The following MSH5 variants were observed in gnomAD, a reference collection of about 807,000 sequenced individuals.
MSH5 encodes mutS protein homolog 5.
Under a neutral mutation model 107.7 loss-of-function variants are expected in MSH5, and 78 were observed. That is an observed-to-expected ratio of 0.72 (90% CI 0.60 to 0.87). MSH5 has a LOEUF of 0.87. MSH5 is among the 40% of genes least tolerant of loss of function. The pLI is 0.00. For missense variants in MSH5, 889 were observed against 1,046.6 expected, an observed-to-expected ratio of 0.85 and a Z score of 2.08; for synonymous variants, 326 against 399.5, an observed-to-expected ratio of 0.82 and a Z score of 2.19.
At position 31,758,793 on chromosome 6, in the gene MSH5, G is replaced by A. The variant is rs2151375909; in HGVS notation, c.1244G>A (p.Ser415Asn). ...AAGCGAAGACTGATGGGACTTCCCA[G>A]TTTCCTTACTGAGGTTGCCCGCAAG... is the stretch of plus-strand genomic sequence containing the variant. Reference protein sequence around the residue: ...EKKRRLMGLPSFLTEVARKEL... With the variant: ...EKKRRLMGLPNFLTEVARKEL... The change falls in exon 15 of 25, where the codon AGT becomes AAT. Residue 415 changes from serine to asparagine, a missense_variant. Physicochemically the swap from Ser to Asn is conservative, Grantham distance 46 (BLOSUM62 1). Transcript: ENST00000375750. The surrounding 1 kb of genome is among the most constrained non-coding windows in gnomAD (Gnocchi z 5.1). 1 of 1,614,194 alleles carries A rather than the reference G, an allele frequency of 6.2e-7. No individual in the cohort carries two copies. The highest frequency in any genetic ancestry group is 1.7e-4 in the Middle Eastern group (1 of 6,060).
Position 31,753,639 on chromosome 6 carries a change from T to G in MSH5, c.1014+10T>G, listed in dbSNP as rs1181227177. ...GCAGGTTCTCTACAAGGTAAGGCCT[T>G]CCTTCTTGAATCCCAAAAGTCCAGG... is the stretch of plus-strand genomic sequence containing the variant. On this transcript the variant is annotated intron_variant, in intron 12 of 24. Transcript: ENST00000375750. The G allele has an allele frequency of 6.2e-6, 10 of 1,613,970 alleles. No homozygotes were observed. In the South Asian group the frequency reaches 8.8e-5, roughly 14 times the overall value.
In MSH5 at chr6:31,758,733, C is replaced by T. The variant is rs1217069561; in HGVS notation, c.1217-33C>T. The T allele has an allele frequency of 5.0e-6, 8 of 1,611,482 alleles. No individual in the cohort carries two copies. Among genetic ancestry groups the T allele is most frequent in the Non-Finnish European group, 6.8e-6 (8 of 1,177,708 alleles). On this transcript the variant is annotated intron_variant, in intron 14 of 24. Transcript: ENST00000375750. The surrounding 1 kb of genome is among the most constrained non-coding windows in gnomAD (Gnocchi z 5.1). ...CATAGCAACCAGGGCAGGAGACTCA[C>T]TTTTGATAACCACGTGTCTTCCACC...
In MSH5 at chr6:31,745,317, T is replaced by G. The variant is rs758709925; in HGVS notation, c.764T>G (p.Phe255Cys). ...ASGLKEGLSLFGILNRCHCKW... is the reference protein window; with the variant it reads ...ASGLKEGLSLCGILNRCHCKW... ...GGACTGAAGGAGGGGCTCAGCCTCTTTGGTAGGTGTGCCCCATCCCTCATC... is the reference window on the plus strand; with the variant it reads ...GGACTGAAGGAGGGGCTCAGCCTCTGTGGTAGGTGTGCCCCATCCCTCATC... The change falls in exon 9 of 25, where the codon TTT (phenylalanine) becomes TGT (cysteine). Residue 255 changes from phenylalanine (F) to cysteine (C), a missense_variant and splice_region_variant. Physicochemically the swap from Phe to Cys is radical, Grantham distance 205. Around this residue, in one of 3 missense-constraint regions of MSH5, gnomAD observed 518 missense variants for 565.0 expected, o/e 0.92. Coordinates refer to ENST00000375750, the MANE Select transcript of MSH5 (RefSeq NM_172166.4). 1.7e-5 allele frequency: 27 copies of G among 1,607,502 alleles called. No individual in the cohort carries two copies. The highest frequency in any genetic ancestry group is 2.3e-5 in the Non-Finnish European group (27 of 1,174,270).
At position 31,743,005 on chromosome 6, in the gene MSH5, A is replaced by G. The variant is rs376082018; in HGVS notation, c.352+48A>G. The G allele has an allele frequency of 3.3e-4, 535 of 1,609,278 alleles. 1 individual carries two copies. The African/African-American group carries it at 6.8e-3, about 20-fold the overall frequency. On this transcript the variant is annotated intron_variant, in intron 4 of 24. Coordinates refer to ENST00000375750, the MANE Select transcript of MSH5 (RefSeq NM_172166.4). ...AGGGAAAATGGGGAAGGACTAATAT[A>G]TGGAATATTCCAGGGGGCTAGAATT...
chr6:31,758,438 T>A lies in MSH5; in HGVS notation c.1144-110T>A. The A allele has an allele frequency of 6.4e-7, 1 of 1,553,012 alleles. No individual in the cohort carries two copies. The highest frequency in any genetic ancestry group is 8.8e-7 in the Non-Finnish European group (1 of 1,130,428). On this transcript the variant is annotated intron_variant, in intron 13 of 24. Transcript: ENST00000375750. The surrounding 1 kb of genome is among the most constrained non-coding windows in gnomAD (Gnocchi z 5.1). ...GAGGCAGCAGAACTTCAGGGAAGTA[T>A]CTGGAGGGTGAGAGTTAAAGGAGGA...
At position 31,761,063 on chromosome 6, in the gene MSH5, C is replaced by T. The variant is rs28399983; in HGVS notation, c.1963-125C>T. 2.8e-5 allele frequency: 30 copies of T among 1,060,502 alleles called. 1 individual carries two copies. The East Asian group carries it at 7.0e-4, about 25-fold the overall frequency. The allele number at this position is 1,060,502 out of a possible 1,614,324, so 65.7% of individuals were successfully genotyped here. On this transcript the variant is annotated intron_variant, in intron 20 of 24. Coordinates refer to ENST00000375750, the MANE Select transcript of MSH5 (RefSeq NM_172166.4). This position sits in a 1 kb window ranked among gnomAD's most constrained non-coding sequence, Gnocchi z 5.3. Reference sequence around the variant, plus strand: ...AAGAGGATGAACAAAGCGTGCACCTCACCATTCAAGAACTTGCAGTGCAGT... The same window carrying T: ...AAGAGGATGAACAAAGCGTGCACCTTACCATTCAAGAACTTGCAGTGCAGT...
chr6:31,759,965 C>T lies in MSH5; in HGVS notation c.1675C>T (p.Gln559Ter). The change falls in exon 18 of 25, where the codon CAG becomes TAG. Residue 559 changes from glutamine to a stop codon, truncating the protein, a stop_gained. Coordinates refer to ENST00000375750, the MANE Select transcript of MSH5 (RefSeq NM_172166.4). LOFTEE classifies it high-confidence loss of function. This position sits in a 1 kb window ranked among gnomAD's most constrained non-coding sequence, Gnocchi z 4.7. ...YSPQVLGVRI[Q>*]NGRHPLMELC... ...CCCACAAGTCCTTGGGGTACGAATC[C>T]AGAATGGCAGGTAAGAATAGAGGCG... is the stretch of plus-strand genomic sequence containing the variant. The T allele has an allele frequency of 6.2e-7, 1 of 1,614,194 alleles. No individual in the cohort carries two copies. Among genetic ancestry groups the T allele is most frequent in the Non-Finnish European group, 8.5e-7 (1 of 1,180,026 alleles).
Position 31,760,939 on chromosome 6 carries a change from C to T in MSH5, c.1962+100C>T, listed in dbSNP as rs1370932863. ...GGAAAGCATGCCCTCTGCTGCATGC[C>T]CTTTATACTAAAAGTGGGGAGCACT... On this transcript the variant is annotated intron_variant, in intron 20 of 24. Transcript: ENST00000375750. This position sits in a 1 kb window ranked among gnomAD's most constrained non-coding sequence, Gnocchi z 5.6. 3.0e-6 allele frequency: 4 copies of T among 1,335,140 alleles called. No homozygotes were observed. The African/African-American group carries it at 4.4e-5, about 15-fold the overall frequency. The allele number at this position is 1,335,140 out of a possible 1,614,324, so 82.7% of individuals were successfully genotyped here.
intron 8 of MSH5, 66 bp downstream of exon 8, chr6:31,744,647 A>G: frequency 6.6e-7 from 1 of 1,525,610 alleles, no homozygotes. Context: ...TGCCCCAATA[A>G]TCCTAATGAG....
At position 31,745,330 on chromosome 6, in the gene MSH5, C is replaced by T; in HGVS notation, c.766+11C>T. ...GGCTCAGCCTCTTTGGTAGGTGTGC[C>T]CCATCCCTCATCTCACATTACAAAG... On this transcript the variant is annotated intron_variant, in intron 9 of 24. Coordinates refer to ENST00000375750, the MANE Select transcript of MSH5 (RefSeq NM_172166.4). 6.3e-7 allele frequency: 1 copy of T among 1,593,360 alleles called. No homozygotes were observed. Among genetic ancestry groups the T allele is most frequent in the Non-Finnish European group, 8.6e-7 (1 of 1,162,000 alleles).
intron 9 of MSH5, 104 bp downstream of exon 9, chr6:31,745,423 C>A: frequency 2.6e-6 from 2 of 781,292 alleles, no homozygotes; most frequent in South Asian, 3.1e-5. Flanking sequence ...CTCCCATTGT[C>A]AGATATCTCT....
In MSH5 at chr6:31,759,096, G is replaced by C. The variant is rs1810727076; in HGVS notation, c.1327-1G>C. 2 of 1,612,648 alleles carry C rather than the reference G, an allele frequency of 1.2e-6. No individual in the cohort carries two copies. Among genetic ancestry groups the C allele is most frequent in the African/African-American group, 1.3e-5 (1 of 74,914 alleles). On this transcript the variant is annotated splice_acceptor_variant, in intron 15 of 24. Transcript: ENST00000375750. LOFTEE classifies it high-confidence loss of function. The surrounding 1 kb of genome is among the most constrained non-coding windows in gnomAD (Gnocchi z 4.7). Reference sequence around the variant, plus strand: ...GAGTATCTCCTCTTTACTCTCCCCAGATTGGCTTCCTTCTTTCTATTCCCC... The same window carrying C: ...GAGTATCTCCTCTTTACTCTCCCCACATTGGCTTCCTTCTTTCTATTCCCC...
intron 10 of MSH5, among the ~76,000 whole-genome samples, 171 bp from the exon 11 acceptor site, chr6:31,753,130 A>C (rs1810112092): frequency 6.6e-6 from 1 of 152,264 alleles, no homozygotes; most frequent in Non-Finnish European, 1.5e-5. Context: ...CAGTAGATAC[A>C]TGTAAACACA....
At chr6:31,747,633 A>G (rs1188817745) in intron 10 of MSH5, among the ~76,000 whole-genome samples, 1 of 152,138 alleles carries the variant, frequency 6.6e-6, no homozygotes, top group African/African-American at 2.4e-5. Context: ...TATGCATCTC[A>G]TTTTTTGTTG....
chr6:31,745,712 G>A (rs1052919026), intron 9 of MSH5, among the ~76,000 whole-genome samples: 1 of 151,780 alleles, frequency 6.6e-6, no homozygotes, highest in African/African-American at 2.4e-5. Flanking sequence ...GGTATATTAG[G>A]GACATCTCCG....
intron 10 of MSH5, among the ~76,000 whole-genome samples, chr6:31,752,151 A>G (rs1307921372): frequency 2.0e-5 from 3 of 151,160 alleles, no homozygotes; most frequent in Non-Finnish European, 4.4e-5. Context: ...CAATTTAAGA[A>G]TAAGACATGC....
rs1426518786 is a variant in MSH5 at position 31,759,595 on chromosome 6, G to C, written c.1495+83G>C. 1.4e-6 allele frequency: 2 copies of C among 1,476,626 alleles called. No homozygotes were observed. The highest frequency in any genetic ancestry group is 2.8e-5 in the African/African-American group (2 of 71,942). The allele number at this position is 1,476,626 out of a possible 1,614,324, so 91.5% of individuals were successfully genotyped here. A position where few individuals can be genotyped will look rare whatever the true frequency, so the allele number is the denominator to read the frequency against. On this transcript the variant is annotated intron_variant, in intron 17 of 24. Coordinates refer to ENST00000375750, the MANE Select transcript of MSH5 (RefSeq NM_172166.4). This position sits in a 1 kb window ranked among gnomAD's most constrained non-coding sequence, Gnocchi z 4.7. ...GGGGAAGGAGGGGAGTGGGCAACTT[G>C]GGGATGCTTCCAACAGGCCCCTCCT...
At chr6:31,750,195 G>A (rs1809823399) in intron 10 of MSH5, among the ~76,000 whole-genome samples, 1 of 152,188 alleles carries the variant, frequency 6.6e-6, no homozygotes, top group Non-Finnish European at 1.5e-5. Flanking sequence ...CTAAGGACAG[G>A]TGACATATTT....
rs1368672366 is a variant in MSH5 at position 31,758,154 on chromosome 6, TTCTC to T, written c.1015-8_1015-5del. On this transcript the variant is annotated splice_region_variant and splice_polypyrimidine_tract_variant and intron_variant, in intron 12 of 24. Transcript: ENST00000375750. The surrounding 1 kb of genome is among the most constrained non-coding windows in gnomAD (Gnocchi z 5.1). Reference sequence around the variant, plus strand: ...ATGTGGCCTGTCCTCCTTTTTGTGTTTCTCTCACAGACTGTGTACAGTGCCCTGG... The same window carrying T: ...ATGTGGCCTGTCCTCCTTTTTGTGTTTCACAGACTGTGTACAGTGCCCTGG... The T allele has an allele frequency of 2.5e-6, 4 of 1,613,006 alleles. No homozygotes were observed. In the South Asian group the frequency reaches 4.4e-5, roughly 18 times the overall value.
Sources: gnomAD v4.1 joint callset for allele counts (sites outside exome capture counted in the v4.1 genomes callset) on GRCh38, gnomAD v4.1.1 for gene constraint, gnomAD v4.1.1 regional missense constraint, Gnocchi (gnomAD v3.1) non-coding constraint, MANE v1.5 for transcripts, NCBI Gene and HGNC (gene_info 2026-07-23, HGNC 2026-07-21) for gene names.